GAB2: variants seen among roughly 807,000 people sequenced by gnomAD.
The protein encoded by GAB2 is GRB2 associated binding protein 2.
Under a neutral mutation model 65.5 loss-of-function variants are expected in GAB2, and 26 were observed. The observed-to-expected ratio is 0.40, with a 90% confidence interval of 0.29 to 0.55. GAB2 has a LOEUF of 0.55. Among genes scored for constraint, GAB2 ranks in the 20% least tolerant of loss-of-function variants. GAB2 has a pLI of 0.53. For synonymous variants in GAB2, 321 were observed against 329.6 expected (o/e 0.97, Z 0.28); for missense variants, 884 against 875.8 (o/e 1.01, Z -0.12).
intron 1 of GAB2, among the ~76,000 whole-genome samples, chr11:78,304,440 T>C (rs1340587565): frequency 6.6e-6 from 1 of 152,194 alleles, no homozygotes; most frequent in African/African-American, 2.4e-5. Context: ...AGTGATAGGC[T>C]GACTCATTTT....
chr11:78,279,542 TATC>T (rs1472797390), intron 2 of GAB2, among the ~76,000 whole-genome samples: 1 of 152,182 alleles, frequency 6.6e-6, no homozygotes, highest in Non-Finnish European at 1.5e-5. Flanking sequence ...AGTGTACAAA[TATC>T]ATCACTATCT....
intron 1 of GAB2, among the ~76,000 whole-genome samples, chr11:78,305,785 G>A (rs1353952875): frequency 1.3e-5 from 2 of 152,134 alleles, no homozygotes; most frequent in African/African-American, 2.4e-5. Context: ...TCTGGAGTCC[G>A]GGATGCATTC....
rs1344313373 is a variant in GAB2 at position 78,393,681 on chromosome 11, TATTATAAA to T, written c.75+23957_75+23964del. On this transcript the variant is annotated intron_variant, in intron 1 of 9. Transcript: ENST00000361507. ...CTCTAAAGATCATCACAGCATTATC[TATTATAAA>T]ATAGCGGAAAATAGTTAAGGACTAA... Among the ~76,000 whole-genome samples, 3 of 152,230 alleles carry T rather than the reference TATTATAAA, an allele frequency of 2.0e-5. No individual in the cohort carries two copies. In the East Asian group the frequency reaches 5.8e-4, roughly 29 times the overall value.
At chr11:78,274,833 C>G (rs1866122795) in intron 2 of GAB2, among the ~76,000 whole-genome samples, 1 of 152,146 alleles carries the variant, frequency 6.6e-6, no homozygotes, top group South Asian at 2.1e-4. Flanking sequence ...ATATCCAGGC[C>G]TGTTTCTGGC....
At chr11:78,227,148 G>A in intron 3 of GAB2, 97 bp from the exon 4 acceptor site, 1 of 793,968 alleles carries the variant, frequency 1.3e-6, no homozygotes, top group East Asian at 2.6e-5. Context: ...TTTGGTTTAG[G>A]CATCTGTAAA....
At chr11:78,276,907 TC>T (rs1446956844) in intron 2 of GAB2, among the ~76,000 whole-genome samples, 1 of 152,214 alleles carries the variant, frequency 6.6e-6, no homozygotes, top group Non-Finnish European at 1.5e-5. Context: ...AAGCTCCGCC[TC>T]CCAGGTTCAC....
intron 1 of GAB2, among the ~76,000 whole-genome samples, chr11:78,323,271 A>G (rs913111006): frequency 3.9e-5 from 6 of 152,182 alleles, no homozygotes; most frequent in African/African-American, 1.4e-4. Flanking sequence ...GCACTTTGGG[A>G]GACTGAGACG....
chr11:78,325,722 T>G (rs967919151), intron 1 of GAB2, among the ~76,000 whole-genome samples: 2 of 152,162 alleles, frequency 1.3e-5, no homozygotes, highest in African/African-American at 2.4e-5. Flanking sequence ...CTTACATGAC[T>G]TAGCAACATC....
At chr11:78,225,068 C>T in intron 5 of GAB2, 40 bp downstream of exon 5, 1 of 1,320,816 alleles carries the variant, frequency 7.6e-7, no homozygotes, top group Non-Finnish European at 1.1e-6. Context: ...TTTTACCTAA[C>T]CAGGCCGGCC....
intron 1 of GAB2, among the ~76,000 whole-genome samples, chr11:78,415,169 G>A (rs1350300398): frequency 6.6e-6 from 1 of 152,234 alleles, no homozygotes; most frequent in East Asian, 1.9e-4. Context: ...ACTGCGCCCA[G>A]ACTTCAAATT....
At chr11:78,349,420 C>T (rs1021677407) in intron 1 of GAB2, among the ~76,000 whole-genome samples, 1 of 152,174 alleles carries the variant, frequency 6.6e-6, no homozygotes, top group African/African-American at 2.4e-5. Flanking sequence ...GCACTATTAT[C>T]TCTATTACAG....
Position 78,250,103 on chromosome 11 carries a change from A to G in GAB2, c.620+54T>C, listed in dbSNP as rs73511304. On this transcript the variant is annotated intron_variant, in intron 3 of 9. Transcript: ENST00000361507. Reference sequence around the variant, plus strand: ...TTTAAAAAAGCAAGGACTGAAAAGTACTAGGCCCTGTGAGCGGTCACTAAC... The same window carrying G: ...TTTAAAAAAGCAAGGACTGAAAAGTGCTAGGCCCTGTGAGCGGTCACTAAC... 8,773 of 1,589,542 alleles carry G rather than the reference A, an allele frequency of 5.5e-3. 405 individuals carry two copies. In the African/African-American group the frequency reaches 0.1, roughly 19 times the overall value.
chr11:78,252,291 G>A (rs1865477224), intron 2 of GAB2, among the ~76,000 whole-genome samples: 1 of 152,246 alleles, frequency 6.6e-6, no homozygotes, highest in South Asian at 2.1e-4. Context: ...TCCATTGACA[G>A]CTGTATTGAC....
At chr11:78,320,875 C>T (rs187691452) in intron 1 of GAB2, among the ~76,000 whole-genome samples, 2 of 152,004 alleles carry the variant, frequency 1.3e-5, no homozygotes, top group Non-Finnish European at 2.9e-5. Context: ...CCAGTCTCAA[C>T]TGGGAGATAT....
chr11:78,222,385 G>T (rs1222820145), intron 6 of GAB2, among the ~76,000 whole-genome samples, 190 bp from the exon 7 acceptor site: 1 of 151,996 alleles, frequency 6.6e-6, no homozygotes, highest in Non-Finnish European at 1.5e-5. Flanking sequence ...CATGTCTTCA[G>T]ATTCCAAATT....
intron 1 of GAB2, among the ~76,000 whole-genome samples, chr11:78,294,442 T>C (rs150379957): frequency 6.6e-6 from 1 of 152,194 alleles, no homozygotes; most frequent in Non-Finnish European, 1.5e-5. Context: ...GTAATGGGAT[T>C]GCTGGGTCAA....
intron 1 of GAB2, among the ~76,000 whole-genome samples, chr11:78,312,286 T>TACCACC (rs558388058): frequency 7.9e-5 from 12 of 151,798 alleles, no homozygotes; most frequent in African/African-American, 2.4e-4. Flanking sequence ...GTGTGGTCTT[T>TACCACC]ACCACCACCA....
intron 1 of GAB2, among the ~76,000 whole-genome samples, chr11:78,287,806 A>AC (rs112163779): frequency 0.22 from 32,860 of 151,146 alleles, 3,870 homozygotes; most frequent in East Asian, 0.4. Context: ...GCACTGCCAC[A>AC]CTGGCTAATT....
chr11:78,336,326 C>CAAAA (rs71046966), intron 1 of GAB2, among the ~76,000 whole-genome samples: 4 of 19,254 alleles, frequency 2.1e-4, no homozygotes, highest in Non-Finnish European at 3.5e-4. Flanking sequence ...GACTGTCTCT[C>CAAAA]AAAAAAAAAA....
Sources: gnomAD v4.1 joint callset for allele counts (sites outside exome capture counted in the v4.1 genomes callset) on GRCh38, gnomAD v4.1.1 for gene constraint, MANE v1.5 for transcripts, NCBI Gene and HGNC (gene_info 2026-07-23, HGNC 2026-07-21) for gene names.